NADK2: variants seen among roughly 807,000 people sequenced by gnomAD.
NADK2 encodes NAD kinase domain-containing protein 1, mitochondrial.
NADK2 carries 35 observed loss-of-function variants against 62.1 expected under a neutral mutation model. The observed-to-expected ratio is 0.56, with a 90% CI of 0.43 to 0.75. NADK2 has a LOEUF of 0.75. Among genes scored for constraint, NADK2 ranks in the 30% least tolerant of loss-of-function variants. The pLI is 0.00. For missense variants in NADK2, 439 were observed against 561.3 expected (o/e 0.78, Z 2.20); for synonymous variants, 205 against 207.9 (o/e 0.99, Z 0.12).
At chr5:36,231,223 G>A (rs1156990219) in intron 1 of NADK2, among the ~76,000 whole-genome samples, 3 of 152,156 alleles carry the variant, frequency 2.0e-5, no homozygotes, top group Non-Finnish European at 4.4e-5. Flanking sequence ...TTGAGATGGC[G>A]AAAGGGTCTG....
chr5:36,201,751 AC>A (rs1355585277), intron 8 of NADK2, among the ~76,000 whole-genome samples: 1 of 151,952 alleles, frequency 6.6e-6, no homozygotes, highest in East Asian at 1.9e-4. Flanking sequence ...TTTGCTGTAT[AC>A]CCTTTTGTAC....
intron 1 of NADK2, among the ~76,000 whole-genome samples, chr5:36,240,506 T>C (rs1748065812): frequency 6.6e-6 from 1 of 152,210 alleles, no homozygotes; most frequent in Non-Finnish European, 1.5e-5. Flanking sequence ...CCAAAACCTT[T>C]TGGTGCACAG....
intron 1 of NADK2, among the ~76,000 whole-genome samples, chr5:36,231,511 T>A (rs1747708751): frequency 6.6e-6 from 1 of 152,204 alleles, no homozygotes. Flanking sequence ...CTATTAAGCT[T>A]TATTAACATG....
chr5:36,230,885 C>T (rs1444136295), intron 1 of NADK2, among the ~76,000 whole-genome samples: 1 of 152,174 alleles, frequency 6.6e-6, no homozygotes, highest in African/African-American at 2.4e-5. Flanking sequence ...CAAGGCACTG[C>T]AAACTGCCAA....
chr5:36,203,339 G>T, intron 8 of NADK2, among the ~76,000 whole-genome samples: 1 of 152,024 alleles, frequency 6.6e-6, no homozygotes. Flanking sequence ...CTTTTCCCCA[G>T]CCCCTCTGGC....
rs1173740747 is a variant in NADK2, at chr5:36,193,970, A to G, written c.*1174T>C. On this transcript the variant is annotated 3_prime_UTR_variant, in exon 12 of 12. Transcript: ENST00000381937. Reference sequence around the variant, plus strand: ...GATTGAACAGAAATTTTCAGCACCAAATGAAAGAAACACATGACTTTGAAC... The same window carrying G: ...GATTGAACAGAAATTTTCAGCACCAGATGAAAGAAACACATGACTTTGAAC... 1 of 152,640 alleles carries G rather than the reference A, an allele frequency of 6.6e-6. No homozygotes were observed. The highest frequency in any genetic ancestry group is 1.9e-4 in the East Asian group (1 of 5,200). The allele number at this position is 152,640 out of a possible 1,614,324, so 9.5% of individuals were successfully genotyped here. A position where few individuals can be genotyped will look rare whatever the true frequency, so the allele number is the denominator to read the frequency against.
At chr5:36,225,019 A>C (rs1747429671) in intron 4 of NADK2, among the ~76,000 whole-genome samples, 1 of 152,174 alleles carries the variant, frequency 6.6e-6, no homozygotes, top group South Asian at 2.1e-4. Flanking sequence ...GTCCCTCCTC[A>C]GCAATACCAA....
Position 36,192,910 on chromosome 5 carries a change from T to A in NADK2, c.*2234A>T, listed in dbSNP as rs1746070212. On this transcript the variant is annotated 3_prime_UTR_variant, in exon 12 of 12. Coordinates refer to ENST00000381937, the MANE Select transcript of NADK2 (RefSeq NM_001085411.3). ...TAACAGTGGAGTAATTTTATTCACATAGGGTTGCGATTAAAAGGTTAACTC... is the reference window on the plus strand; with the variant it reads ...TAACAGTGGAGTAATTTTATTCACAAAGGGTTGCGATTAAAAGGTTAACTC... 1 of 152,120 alleles carries A rather than the reference T, an allele frequency of 6.6e-6. No homozygotes were observed. The highest frequency in any genetic ancestry group is 1.5e-5 in the Non-Finnish European group (1 of 67,986). 9.4% of individuals were successfully genotyped at this position (152,120 alleles called of 1,614,324 possible). A position where few individuals can be genotyped will look rare whatever the true frequency, so the allele number is the denominator to read the frequency against.
At position 36,241,508 on chromosome 5, in the gene NADK2, C is replaced by G; in HGVS notation, c.291G>C (p.Leu97=). ...CCGAGCCAGGACCCACCAGCTGCTT[C>G]AGGTCCTCCTCCGAGAGCTCCGCGT... ...YRYAELSEED[L]KQLLALKGSS... The change falls in exon 1 of 12, where the codon CTG becomes CTC. Residue 97 remains leucine (L), a synonymous_variant. Transcript: ENST00000381937. The surrounding 1 kb of genome is among the most constrained non-coding windows in gnomAD (Gnocchi z 4.9). The G allele has an allele frequency of 1.3e-6, 2 of 1,559,600 alleles. No individual in the cohort carries two copies. Among genetic ancestry groups the G allele is most frequent in the Non-Finnish European group, 1.7e-6 (2 of 1,161,794 alleles).
chr5:36,207,069 C>G, intron 8 of NADK2, 101 bp downstream of exon 8: 1 of 897,358 alleles, frequency 1.1e-6, no homozygotes, highest in Non-Finnish European at 1.8e-6. Context: ...CATAACACCA[C>G]CAGGACACCT....
chr5:36,197,411 G>T, intron 11 of NADK2, 130 bp downstream of exon 11: 1 of 1,181,966 alleles, frequency 8.5e-7, no homozygotes, highest in Non-Finnish European at 1.2e-6. Flanking sequence ...TACTTTCACA[G>T]GTTCTACTTT....
chr5:36,207,232 A>G lies in NADK2; in HGVS notation c.894T>C (p.Gly298=). 10 of 1,613,022 alleles carry G rather than the reference A, an allele frequency of 6.2e-6. No individual in the cohort carries two copies. Among genetic ancestry groups the G allele is most frequent in the Non-Finnish European group, 8.5e-6 (10 of 1,179,316 alleles). The change falls in exon 8 of 12, where the codon GGT becomes GGC. Residue 298 remains glycine (G), a synonymous_variant. Transcript: ENST00000381937. Reference sequence around the variant, plus strand: ...CTGAACTCTTCTGTTTTTCCCATGGACCATCATCAACTGAAATCTCATAGT... The same window carrying G: ...CTGAACTCTTCTGTTTTTCCCATGGGCCATCATCAACTGAAATCTCATAGT... ...ASYYEISVDD[G]PWEKQKSSGL... is the part of the protein sequence containing the mutation.
At chr5:36,211,980 T>C (rs1746865514) in intron 6 of NADK2, 58 bp from the exon 7 acceptor site, 2 of 1,332,168 alleles carry the variant, frequency 1.5e-6, no homozygotes, top group Admixed American at 2.1e-5. Context: ...CTAGAAATGT[T>C]ATAAAAATTT....
chr5:36,208,646 C>G, intron 7 of NADK2: 1 of 1,533,628 alleles, frequency 6.5e-7, no homozygotes, highest in Non-Finnish European at 8.7e-7. Context: ...AGTGGGTATA[C>G]TTCTTCTTAA....
At chr5:36,212,187 A>C (rs1455526411) in intron 6 of NADK2, 1 of 263,590 alleles carries the variant, frequency 3.8e-6, no homozygotes, top group African/African-American at 2.2e-5. Flanking sequence ...AAGAGTGATG[A>C]ACTATATTTA....
chr5:36,209,945 CTT>C (rs964593669), intron 7 of NADK2, among the ~76,000 whole-genome samples: 2 of 152,268 alleles, frequency 1.3e-5, no homozygotes, highest in South Asian at 2.1e-4. Flanking sequence ...AACTTCAACT[CTT>C]TTTCGGCACA....
intron 1 of NADK2, among the ~76,000 whole-genome samples, chr5:36,235,995 AC>A (rs1747895192): frequency 6.6e-6 from 1 of 152,014 alleles, no homozygotes. Context: ...TACAAAGTTC[AC>A]TGATAGTGAC....
intron 7 of NADK2, among the ~76,000 whole-genome samples, chr5:36,208,058 T>C (rs1334332538): frequency 2.0e-5 from 3 of 152,120 alleles, no homozygotes; most frequent in African/African-American, 7.2e-5. Flanking sequence ...CTGAATTTTT[T>C]TCTCCAGCAA....
intron 7 of NADK2, among the ~76,000 whole-genome samples, chr5:36,210,968 C>G (rs866443018): frequency 6.6e-6 from 1 of 152,224 alleles, no homozygotes; most frequent in Non-Finnish European, 1.5e-5. Flanking sequence ...ACCTGGGCAA[C>G]ATTTAGACAT....
Sources: allele counts gnomAD v4.1 joint callset (sites outside exome capture counted in the v4.1 genomes callset), GRCh38; gene constraint gnomAD v4.1.1; non-coding constraint Gnocchi (gnomAD v3.1); transcripts MANE v1.5; gene names NCBI Gene and HGNC (gene_info 2026-07-23, HGNC 2026-07-21).